DAB2: variants seen among roughly 807,000 people sequenced by gnomAD.
The protein encoded by DAB2 is disabled homolog 2.
DAB2 carries 28 observed loss-of-function variants against 71.6 expected under a neutral mutation model. The observed-to-expected ratio is 0.39, with a 90% CI of 0.29 to 0.54. DAB2 has a LOEUF of 0.54. Among genes scored for constraint, DAB2 ranks in the 20% least tolerant of loss-of-function variants. DAB2 has a pLI of 0.68. For missense variants in DAB2, 867 were observed against 928.8 expected (o/e 0.93, Z 0.86); for synonymous variants, 345 against 339.7 (o/e 1.02, Z -0.17).
intron 1 of DAB2, among the ~76,000 whole-genome samples, chr5:39,415,847 T>C (rs1755832409): frequency 6.6e-6 from 1 of 152,112 alleles, no homozygotes; most frequent in African/African-American, 2.4e-5. Context: ...AAACTGAACA[T>C]TTGCATCACT....
intron 1 of DAB2, among the ~76,000 whole-genome samples, chr5:39,421,940 G>C (rs1755997563): frequency 6.6e-6 from 1 of 151,856 alleles, no homozygotes; most frequent in African/African-American, 2.4e-5. Context: ...TATGGTGGCG[G>C]GTACCTCTAA....
At chr5:39,376,187 A>C in intron 12 of DAB2, 81 bp from the exon 13 acceptor site, 1 of 1,093,610 alleles carries the variant, frequency 9.1e-7, no homozygotes, top group Non-Finnish European at 1.4e-6. Context: ...TTATTTTTGA[A>C]GTTTAGTTCT....
chr5:39,403,065 T>C (rs946121800), intron 1 of DAB2, among the ~76,000 whole-genome samples: 2 of 152,232 alleles, frequency 1.3e-5, no homozygotes, highest in African/African-American at 2.4e-5. Context: ...ATTTTAAAGA[T>C]TCCTAAATCA....
chr5:39,398,476 A>T (rs749145467), intron 1 of DAB2, among the ~76,000 whole-genome samples: 4 of 152,364 alleles, frequency 2.6e-5, no homozygotes, highest in South Asian at 4.1e-4. Context: ...GGTATGAGCA[A>T]TTCCAAGGGA....
Position 39,422,201 on chromosome 5 carries a change from C to A in DAB2, c.-102+2603G>T, listed in dbSNP as rs1162006850. Among the ~76,000 whole-genome samples, 3 of 152,168 alleles carry A rather than the reference C, an allele frequency of 2.0e-5. No homozygotes were observed. Among genetic ancestry groups the A allele is most frequent in the African/African-American group, 7.2e-5 (3 of 41,426 alleles). On this transcript the variant is annotated intron_variant, in intron 1 of 14. Transcript: ENST00000320816. The surrounding 1 kb of genome is among the most constrained non-coding windows in gnomAD (Gnocchi z 4.1). Reference sequence around the variant, plus strand: ...AGTGCCAGGGAGAATTTTAAAATACCACATCCTGTTACTCAGGTGTTTCAT... The same window carrying A: ...AGTGCCAGGGAGAATTTTAAAATACAACATCCTGTTACTCAGGTGTTTCAT...
At position 39,371,818 on chromosome 5, in the gene DAB2, A is replaced by G. The variant is rs2738241; in HGVS notation, c.*1613T>C. The G allele has an allele frequency of 6.6e-6, 1 of 152,234 alleles. No individual in the cohort carries two copies. Among genetic ancestry groups the G allele is most frequent in the African/African-American group, 2.4e-5 (1 of 41,470 alleles). 9.4% of individuals were successfully genotyped at this position (152,234 alleles called of 1,614,324 possible). A position where few individuals can be genotyped will look rare whatever the true frequency, so the allele number is the denominator to read the frequency against. On this transcript the variant is annotated 3_prime_UTR_variant, in exon 15 of 15. Transcript: ENST00000320816. ...AAAATTCAACTACCTAGAAATAGTT[A>G]CCTCCAGTTTAGCACATTTAGGTAT... is the stretch of plus-strand genomic sequence containing the variant.
chr5:39,404,830 C>T (rs895683536), intron 1 of DAB2, among the ~76,000 whole-genome samples: 21 of 152,200 alleles, frequency 1.4e-4, no homozygotes, highest in South Asian at 2.1e-4. Context: ...CCACCCGCCT[C>T]GGCCTCCCAA....
At position 39,392,346 on chromosome 5, in the gene DAB2, A is replaced by G. The variant is rs745426657; in HGVS notation, c.330+19T>C. ...AGACTCAGGTGGTCAGAGAGGTATC[A>G]GCAAATGTGAATTCTTACCCCAGTT... On this transcript the variant is annotated intron_variant, in intron 4 of 14. Transcript: ENST00000320816. 6.3e-7 allele frequency: 1 copy of G among 1,585,754 alleles called. No individual in the cohort carries two copies. Among genetic ancestry groups the G allele is most frequent in the Non-Finnish European group, 8.7e-7 (1 of 1,154,156 alleles).
intron 9 of DAB2, among the ~76,000 whole-genome samples, chr5:39,384,895 T>C (rs963660654): frequency 1.3e-5 from 2 of 151,980 alleles, no homozygotes; most frequent in African/African-American, 4.8e-5. Flanking sequence ...ATTTTGATCA[T>C]TGGGGAAAAT....
At position 39,383,107 on chromosome 5, in the gene DAB2, G is replaced by C; in HGVS notation, c.852C>G (p.Leu284=). Residue 284 remains leucine, a synonymous_variant, in exon 10 of 15, where the codon CTC becomes CTG. Coordinates refer to ENST00000320816, the MANE Select transcript of DAB2 (RefSeq NM_001343.4). ...CAGGATTAGGGGTGGGAAAGAAGTT[G>C]AGATTGGCAGAAAAGGCATTTTCAG... ...FLPENAFSAN[L]NFFPTPNPDP... is the part of the protein sequence containing the mutation. 4 of 1,614,172 alleles carry C rather than the reference G, an allele frequency of 2.5e-6. No homozygotes were observed. The highest frequency in any genetic ancestry group is 1.6e-4 in the Middle Eastern group (1 of 6,062).
chr5:39,400,010 G>A (rs1283545613), intron 1 of DAB2, among the ~76,000 whole-genome samples: 1 of 152,176 alleles, frequency 6.6e-6, no homozygotes, highest in Admixed American at 6.5e-5. Context: ...TGACTCCCAA[G>A]CCTACCTTCT....
intron 1 of DAB2, among the ~76,000 whole-genome samples, chr5:39,397,533 G>A (rs1463829794): frequency 7.9e-5 from 12 of 152,114 alleles, no homozygotes; most frequent in Admixed American, 6.5e-4. Flanking sequence ...TAATATCTGC[G>A]GCCATACAAC....
chr5:39,383,290 A>G lies in DAB2; in HGVS notation c.688-19T>C, dbSNP rs747759838. On this transcript the variant is annotated intron_variant, in intron 9 of 14. Coordinates refer to ENST00000320816, the MANE Select transcript of DAB2 (RefSeq NM_001343.4). ...TGCTTTCCTATCACATTTGGAAAGA[A>G]AAAAAAAGAAAGTGTTAGTCCATGT... The G allele has an allele frequency of 1.3e-6, 2 of 1,560,218 alleles. No individual in the cohort carries two copies. Among genetic ancestry groups the G allele is most frequent in the East Asian group, 4.5e-5 (2 of 44,328 alleles).
intron 10 of DAB2, among the ~76,000 whole-genome samples, chr5:39,382,405 C>G (rs752708140): frequency 6.6e-6 from 1 of 152,160 alleles, no homozygotes; most frequent in Admixed American, 6.6e-5. Context: ...GACATGCACA[C>G]GGAAAGCAGG....
intron 1 of DAB2, among the ~76,000 whole-genome samples, chr5:39,411,571 G>A (rs1755729993): frequency 6.6e-6 from 1 of 152,162 alleles, no homozygotes; most frequent in Non-Finnish European, 1.5e-5. Context: ...ATGGTAACAT[G>A]TGCTATTTTC....
intron 4 of DAB2, among the ~76,000 whole-genome samples, chr5:39,391,678 G>GA (rs1293221871): frequency 1.3e-5 from 2 of 151,718 alleles, no homozygotes; most frequent in African/African-American, 2.4e-5. Context: ...ATTGAGTACA[G>GA]AAAAAAAATC....
In DAB2 at chr5:39,376,998, T is replaced by A; in HGVS notation, c.1789A>T (p.Asn597Tyr). 1 of 1,614,068 alleles carries A rather than the reference T, an allele frequency of 6.2e-7. No individual in the cohort carries two copies. The highest frequency in any genetic ancestry group is 8.5e-7 in the Non-Finnish European group (1 of 1,180,014). Reference protein sequence around the residue: ...TSPLGNPFQSNIFPAPAVSTQ... With the variant: ...TSPLGNPFQSYIFPAPAVSTQ... ...GACACAGCAGGAGCTGGAAAAATAT[T>A]GCTCTGAAAAGGATTCCCCAAAGGG... The change falls in exon 12 of 15, where the codon AAT becomes TAT. Residue 597 changes from asparagine to tyrosine, a missense_variant. By Grantham distance (143) the Asn-to-Tyr change is moderately radical. Coordinates refer to ENST00000320816, the MANE Select transcript of DAB2 (RefSeq NM_001343.4).
intron 12 of DAB2, 44 bp from the exon 13 acceptor site, chr5:39,376,150 C>G: frequency 6.9e-7 from 1 of 1,457,128 alleles, no homozygotes. Flanking sequence ...AAGCTTTCCC[C>G]AAATATAGGC....
At chr5:39,385,677 G>A (rs1021364106) in intron 9 of DAB2, among the ~76,000 whole-genome samples, 9 of 152,090 alleles carry the variant, frequency 5.9e-5, no homozygotes, top group Admixed American at 2.0e-4. Context: ...TCCAGTAATC[G>A]GACATAAATC....
Sources: gnomAD v4.1 joint callset for allele counts (sites outside exome capture counted in the v4.1 genomes callset) on GRCh38, gnomAD v4.1.1 for gene constraint, Gnocchi (gnomAD v3.1) non-coding constraint, MANE v1.5 for transcripts, NCBI Gene and HGNC (gene_info 2026-07-23, HGNC 2026-07-21) for gene names.